Variants in CDH23 observed in about 807,000 individuals in gnomAD.
CDH23 encodes the protein cadherin related 23, also known as cadherin-23.
Under a neutral mutation model 317.1 loss-of-function variants are expected in CDH23, and 189 were observed. That is an observed-to-expected ratio of 0.60 (90% CI 0.53 to 0.67). The LOEUF (loss-of-function observed/expected upper bound fraction) is 0.67, where lower values mean the gene tolerates loss of function less well. CDH23 is among the 30% of genes least tolerant of loss of function. The pLI, the probability that CDH23 is intolerant of heterozygous loss-of-function variation, is 0.00. For missense variants in CDH23, 4,401 were observed against 4,592.4 expected (o/e 0.96, Z 1.20); for synonymous variants, 1,839 against 1,876.8 (o/e 0.98, Z 0.52).
chr10:71,481,504 C>T (rs1029241144), intron 3 of CDH23, among the ~76,000 whole-genome samples: 3 of 152,112 alleles, frequency 2.0e-5, no homozygotes, highest in East Asian at 1.9e-4. Context: ...TCAGGGTGCA[C>T]GTGAGATAAG....
chr10:71,625,046 C>T (rs755157417), intron 11 of CDH23, among the ~76,000 whole-genome samples: 31 of 152,030 alleles, frequency 2.0e-4, no homozygotes, highest in Non-Finnish European at 4.1e-4. Context: ...CTACAGCTGT[C>T]CAATATGGGG....
chr10:71,618,772 A>G (rs1174490701), intron 11 of CDH23, among the ~76,000 whole-genome samples: 1 of 151,848 alleles, frequency 6.6e-6, no homozygotes, highest in African/African-American at 2.4e-5. Context: ...TGGTCCCCCC[A>G]AGGACTCAGG....
intron 6 of CDH23, 84 bp downstream of exon 6, chr10:71,511,296 G>A: frequency 3.2e-6 from 4 of 1,264,256 alleles, no homozygotes; most frequent in Admixed American, 1.7e-5. Context: ...GAGTCAGGTG[G>A]GGAGAGCAGC....
At chr10:71,711,170 C>A (rs1450366846) in intron 27 of CDH23, among the ~76,000 whole-genome samples, 1 of 152,146 alleles carries the variant, frequency 6.6e-6, no homozygotes, top group Non-Finnish European at 1.5e-5. Flanking sequence ...GTTATCACCC[C>A]TGAGTCCAGC....
chr10:71,786,110 A>T (rs944819857), intron 44 of CDH23, among the ~76,000 whole-genome samples: 11 of 152,228 alleles, frequency 7.2e-5, no homozygotes, highest in African/African-American at 2.7e-4. Flanking sequence ...GCATTTGTGC[A>T]TGGGGCACAT....
chr10:71,411,229 G>T (rs994340123), intron 1 of CDH23, among the ~76,000 whole-genome samples: 1 of 152,150 alleles, frequency 6.6e-6, no homozygotes, highest in Admixed American at 6.5e-5. Flanking sequence ...GAGGAAAATT[G>T]ACATCTTTAC....
intron 38 of CDH23, among the ~76,000 whole-genome samples, chr10:71,759,284 T>C (rs776308753): frequency 6.6e-6 from 1 of 151,804 alleles, no homozygotes; most frequent in Admixed American, 6.6e-5. Flanking sequence ...GCGATCTGCC[T>C]GCCTTGACCT....
intron 14 of CDH23, among the ~76,000 whole-genome samples, chr10:71,652,359 T>C (rs182881375): frequency 1.3e-5 from 2 of 152,364 alleles, no homozygotes; most frequent in East Asian, 1.9e-4. Context: ...TCTCTGGGAC[T>C]TGGCTTTTTT....
intron 11 of CDH23, among the ~76,000 whole-genome samples, chr10:71,634,566 G>A (rs977221963): frequency 2.0e-5 from 3 of 152,252 alleles, no homozygotes; most frequent in Admixed American, 6.5e-5. Context: ...AGGGCCACAA[G>A]GAAGGGATTG....
At position 71,592,719 on chromosome 10, in the gene CDH23, T is replaced by C. The variant is rs115011308; in HGVS notation, c.832+14727T>C. On this transcript the variant is annotated intron_variant, in intron 9 of 69. Transcript: ENST00000224721. The stretch of plus-strand genomic sequence containing the variant: ...CCAAACTACATCTGCAAAGTCCCCT[T>C]TGCCATGTAAGTAGCATGCAGAGCT... Among the ~76,000 whole-genome samples, 297 of 152,290 alleles carry C rather than the reference T, an allele frequency of 2.0e-3. 1 individual carries two copies. The highest frequency in any genetic ancestry group is 6.7e-3 in the African/African-American group (280 of 41,566).
At chr10:71,727,676 C>T (rs11817208) in intron 30 of CDH23, among the ~76,000 whole-genome samples, 7 of 152,178 alleles carry the variant, frequency 4.6e-5, no homozygotes, top group East Asian at 1.9e-4. Context: ...CACACACACA[C>T]GCACATATGC....
chr10:71,793,471 G>A lies in CDH23; in HGVS notation c.6543G>A (p.Val2181=), dbSNP rs748655695. ...AGTTCCTCAACCCCATCCAGACAGT[G>A]AGCGTGCTGGAGTCGGCTGAGCCAG... The part of the protein sequence containing the change: ...RPEFLNPIQT[V]SVLESAEPGT... Residue 2181 remains valine, a synonymous_variant, in exon 48 of 70, where the codon GTG becomes GTA. Transcript: ENST00000224721. 3.7e-6 allele frequency: 6 copies of A among 1,613,994 alleles called. No individual in the cohort carries two copies. The Admixed American group carries it at 6.7e-5, about 18-fold the overall frequency.
Position 71,790,392 on chromosome 10 carries a change from T to C in CDH23, c.6028T>C (p.Phe2010Leu). The C allele has an allele frequency of 1.9e-6, 3 of 1,613,364 alleles. No homozygotes were observed. The highest frequency in any genetic ancestry group is 2.5e-6 in the Non-Finnish European group (3 of 1,179,774). ...YQLLGAQSGL[F>L]DINSSTGVVT... ...GCTGCTGGGTGCCCAGAGTGGCCTC[T>C]TTGACATCAACAGCAGCACCGGTGA... Residue 2010 changes from phenylalanine to leucine, a missense_variant, in exon 46 of 70, where the codon TTT (phenylalanine) becomes CTT (leucine). Physicochemically the swap from Phe to Leu is conservative, Grantham distance 22. This residue lies in a region of CDH23 where 3,068 missense variants were observed against 3,203.3 expected (regional missense o/e 0.96). Transcript: ENST00000224721.
chr10:71,490,235 C>T (rs7894779), intron 3 of CDH23, among the ~76,000 whole-genome samples: 10,905 of 152,118 alleles, frequency 0.072, 1,329 homozygotes, highest in African/African-American at 0.25. Flanking sequence ...TCATTTAATA[C>T]GTTTAAACAC....
At chr10:71,460,964 G>A (rs1850950936) in intron 3 of CDH23, among the ~76,000 whole-genome samples, 1 of 152,210 alleles carries the variant, frequency 6.6e-6, no homozygotes, top group Non-Finnish European at 1.5e-5. Context: ...CACCACCTCT[G>A]CATATTCCTT....
intron 3 of CDH23, among the ~76,000 whole-genome samples, chr10:71,490,050 G>A (rs1279466304): frequency 6.6e-6 from 1 of 152,030 alleles, no homozygotes; most frequent in Non-Finnish European, 1.5e-5. Context: ...AGACCCCTAT[G>A]CTGGGTGGGG....
chr10:71,729,050 G>A (rs1409932760), intron 30 of CDH23, among the ~76,000 whole-genome samples: 1 of 152,110 alleles, frequency 6.6e-6, no homozygotes, highest in Non-Finnish European at 1.5e-5. Flanking sequence ...GCCCAGGCTG[G>A]TCTCGAATGC....
At chr10:71,581,416 G>A (rs1352551616) in intron 9 of CDH23, among the ~76,000 whole-genome samples, 1 of 152,172 alleles carries the variant, frequency 6.6e-6, no homozygotes, top group Non-Finnish European at 1.5e-5. Flanking sequence ...GCCCCACGTG[G>A]CTGGAGACAG....
At chr10:71,798,193 G>T (rs546053692) in intron 49 of CDH23, among the ~76,000 whole-genome samples, 161 bp from the exon 50 acceptor site, 62 of 152,292 alleles carry the variant, frequency 4.1e-4, no homozygotes, top group African/African-American at 1.3e-3. Flanking sequence ...CCACTGGAAA[G>T]CCTCCTGTGC....
Sources: gnomAD v4.1 joint callset for allele counts (sites outside exome capture counted in the v4.1 genomes callset) on GRCh38, gnomAD v4.1.1 for gene constraint, gnomAD v4.1.1 regional missense constraint, MANE v1.5 for transcripts, NCBI Gene and HGNC (gene_info 2026-07-23, HGNC 2026-07-21) for gene names.